DIS3L2: variants seen among roughly 807,000 people sequenced by gnomAD.
DIS3L2 encodes the protein DIS3 like 3'-5' exoribonuclease 2.
Under a neutral mutation model 97.5 loss-of-function variants are expected in DIS3L2, and 34 were observed. The observed-to-expected ratio is 0.35, with a 90% confidence interval of 0.27 to 0.46. The LOEUF (loss-of-function observed/expected upper bound fraction) is 0.46, where lower values mean the gene tolerates loss of function less well. Ranked by LOEUF, DIS3L2 falls within the 20% of genes least tolerant of loss-of-function variation. The pLI, the probability that DIS3L2 is intolerant of heterozygous loss-of-function variation, is 1.00. For synonymous variants in DIS3L2, 435 were observed against 445.2 expected (o/e 0.98, Z 0.29); for missense variants, 1,038 against 1,146.0 (o/e 0.91, Z 1.36).
intron 1 of DIS3L2, among the ~76,000 whole-genome samples, chr2:231,981,598 T>TA (rs1693257935): frequency 9.5e-5 from 8 of 84,056 alleles, no homozygotes; most frequent in African/African-American, 3.0e-4. Context: ...GTTAAGTATT[T>TA]TATATATATA....
chr2:232,031,643 C>T (rs1694806715), intron 5 of DIS3L2, among the ~76,000 whole-genome samples: 1 of 151,646 alleles, frequency 6.6e-6, no homozygotes, highest in African/African-American at 2.4e-5. Context: ...AATGCTATCC[C>T]TCCCCTTGTC....
At chr2:232,135,810 G>T (rs1490308635) in intron 7 of DIS3L2, among the ~76,000 whole-genome samples, 1 of 152,084 alleles carries the variant, frequency 6.6e-6, no homozygotes, top group Non-Finnish European at 1.5e-5. Flanking sequence ...CTGAGGAAGG[G>T]ATGAGCCTGC....
At chr2:232,149,160 A>C (rs1036443510) in intron 8 of DIS3L2, among the ~76,000 whole-genome samples, 9 of 150,156 alleles carry the variant, frequency 6.0e-5, no homozygotes, top group Non-Finnish European at 1.3e-4. Context: ...CAGCTTCAGA[A>C]TGTAAGCAAA....
chr2:232,102,033 A>G (rs1157409738), intron 6 of DIS3L2, among the ~76,000 whole-genome samples: 1 of 152,212 alleles, frequency 6.6e-6, no homozygotes, highest in East Asian at 1.9e-4. Flanking sequence ...CACCAGTTTA[A>G]CCAACTGATC....
At chr2:231,989,381 G>A (rs1282575360) in intron 1 of DIS3L2, among the ~76,000 whole-genome samples, 1 of 151,356 alleles carries the variant, frequency 6.6e-6, no homozygotes, top group Admixed American at 6.6e-5. Context: ...GTGTATGTGT[G>A]TGTTTGTATA....
At position 232,144,381 on chromosome 2, in the gene DIS3L2, A is replaced by AT. The variant is rs1163232628; in HGVS notation, c.950+7669dup. ...TGATAATCGTTGGGTGATTTTTGTT[A>AT]TTTTTTTCCTAATTACTGATGAGGT... On this transcript the variant is annotated intron_variant, in intron 8 of 20. Transcript: ENST00000325385. Among the ~76,000 whole-genome samples the AT allele has an allele frequency of 5.3e-5, 8 of 151,748 alleles. No homozygotes were observed. In the East Asian group the frequency reaches 1.4e-3, roughly 26 times the overall value.
At chr2:232,032,291 G>A in intron 5 of DIS3L2, among the ~76,000 whole-genome samples, 1 of 152,030 alleles carries the variant, frequency 6.6e-6, no homozygotes. Context: ...ATGTCTGTTG[G>A]CCACATAAAT....
At chr2:231,979,828 G>T (rs1679843482) in intron 1 of DIS3L2, among the ~76,000 whole-genome samples, 1 of 151,988 alleles carries the variant, frequency 6.6e-6, no homozygotes, top group African/African-American at 2.4e-5. Context: ...CACCCACCTC[G>T]GCCTCCCAAA....
intron 9 of DIS3L2, among the ~76,000 whole-genome samples, chr2:232,189,063 T>C (rs1298902382): frequency 1.3e-5 from 2 of 152,038 alleles, no homozygotes; most frequent in African/African-American, 4.8e-5. Context: ...AAAGGCCAAA[T>C]TGGCAAGAAG....
intron 1 of DIS3L2, among the ~76,000 whole-genome samples, chr2:232,005,780 T>C (rs1694037385): frequency 6.6e-6 from 1 of 152,228 alleles, no homozygotes; most frequent in South Asian, 2.1e-4. Context: ...CCCAACTTAC[T>C]ATTTTCATCA....
intron 5 of DIS3L2, among the ~76,000 whole-genome samples, chr2:232,077,961 CTT>C (rs1559602125): frequency 1.2e-4 from 9 of 73,880 alleles, no homozygotes; most frequent in African/African-American, 2.5e-4. Context: ...CTTTCTCTTT[CTT>C]TCTTTCTTTC....
intron 10 of DIS3L2, among the ~76,000 whole-genome samples, chr2:232,219,767 G>A (rs1413507522): frequency 2.6e-5 from 4 of 152,034 alleles, no homozygotes; most frequent in Non-Finnish European, 4.4e-5. Flanking sequence ...AGCAACTCAT[G>A]TCTTCATTTT....
In DIS3L2 at chr2:231,962,285, T is replaced by TA. The variant is rs397782452; in HGVS notation, c.-94+522dup. 5.9e-5 allele frequency among the ~76,000 whole-genome samples: 9 copies of TA among 151,670 alleles called. No homozygotes were observed. In the South Asian group the frequency reaches 8.3e-4, roughly 14 times the overall value. On this transcript the variant is annotated intron_variant, in intron 1 of 20. Coordinates refer to ENST00000325385, the MANE Select transcript of DIS3L2 (RefSeq NM_152383.5). ...ATTGATCATAGAGAGTTTTTTTTTT[T>TA]AATAAACTTTTAGATATGGGGGATA...
chr2:232,209,371 G>C (rs1255412658), intron 9 of DIS3L2, among the ~76,000 whole-genome samples: 1 of 152,140 alleles, frequency 6.6e-6, no homozygotes, highest in African/African-American at 2.4e-5. Context: ...GCAACACCAG[G>C]GAAGAAGTCT....
At chr2:232,061,205 C>T (rs1249313838) in intron 5 of DIS3L2, among the ~76,000 whole-genome samples, 1 of 152,198 alleles carries the variant, frequency 6.6e-6, no homozygotes, top group Non-Finnish European at 1.5e-5. Flanking sequence ...CAGATTTTAG[C>T]AGCTCATTTT....
chr2:232,329,785 T>TGCCGGGGGGCA, intron 14 of DIS3L2, 28 bp from the exon 15 acceptor site: 1 of 967,140 alleles, frequency 1.0e-6, no homozygotes, highest in Non-Finnish European at 1.5e-6. Context: ...ACCCCAGCGG[T>TGCCGGGGGGCA]CCCTCCCATC....
rs145638038 is a variant in DIS3L2, at chr2:232,321,333, T to TG, written c.1740-8475dup. ...TGTATGGAGCTCACCAGGGAAAACA[T>TG]GGGGGATGCCTGGATGCATTGCCCA... is the stretch of plus-strand genomic sequence containing the variant. On this transcript the variant is annotated intron_variant, in intron 14 of 20. Coordinates refer to ENST00000325385, the MANE Select transcript of DIS3L2 (RefSeq NM_152383.5). Among the ~76,000 whole-genome samples, 16 of 152,150 alleles carry TG rather than the reference T, an allele frequency of 1.1e-4. No individual in the cohort carries two copies. The East Asian group carries it at 2.1e-3, about 20-fold the overall frequency.
At chr2:232,329,787 C>CCGGGGGGGGCG in intron 14 of DIS3L2, 26 bp from the exon 15 acceptor site, 2 of 1,062,210 alleles carry the variant, frequency 1.9e-6, no homozygotes, top group Non-Finnish European at 2.6e-6. Context: ...CCCAGCGGTC[C>CCGGGGGGGGCG]CTCCCATCCC....
chr2:232,165,357 A>G (rs1690772693), intron 9 of DIS3L2, among the ~76,000 whole-genome samples: 1 of 152,214 alleles, frequency 6.6e-6, no homozygotes, highest in Non-Finnish European at 1.5e-5. Context: ...ACACATATAC[A>G]TATATGTGTG....
Sources: gnomAD v4.1 joint callset for allele counts (sites outside exome capture counted in the v4.1 genomes callset) on GRCh38, gnomAD v4.1.1 for gene constraint, MANE v1.5 for transcripts, NCBI Gene and HGNC (gene_info 2026-07-23, HGNC 2026-07-21) for gene names.